The following SGCZ variants were observed in gnomAD, a reference collection of about 807,000 sequenced individuals.
SGCZ encodes the protein sarcoglycan zeta.
In SGCZ, 40 loss-of-function variants were observed where a neutral mutation model predicts 41.3. The observed-to-expected ratio is 0.97, with a 90% CI of 0.75 to 1.26. SGCZ has a LOEUF of 1.26. Among genes scored for constraint, SGCZ ranks in the 50% most tolerant of loss-of-function variants. SGCZ has a pLI of 0.00. For synonymous variants in SGCZ, 206 were observed against 137.5 expected (o/e 1.50, Z -3.49); for missense variants, 552 against 369.8 (o/e 1.49, Z -4.04).
chr8:15,191,985 T>C (rs1286007415), intron 1 of SGCZ, among the ~76,000 whole-genome samples: 1 of 152,082 alleles, frequency 6.6e-6, no homozygotes, highest in Non-Finnish European at 1.5e-5. Context: ...CTGTAAAAAT[T>C]GCATAAAAGT....
chr8:15,059,809 A>G (rs571457968), intron 1 of SGCZ, among the ~76,000 whole-genome samples: 45 of 152,290 alleles, frequency 3.0e-4, no homozygotes, highest in African/African-American at 1.0e-3. Context: ...ATAGCCCAAG[A>G]ACTCCCGGTT....
At chr8:14,201,399 G>C (rs534141962) in intron 4 of SGCZ, among the ~76,000 whole-genome samples, 1 of 152,170 alleles carries the variant, frequency 6.6e-6, no homozygotes, top group East Asian at 1.9e-4. Flanking sequence ...CTTTCAAATG[G>C]ATAGAGAAAC....
At chr8:14,998,673 G>T (rs1802304215) in intron 1 of SGCZ, among the ~76,000 whole-genome samples, 1 of 152,172 alleles carries the variant, frequency 6.6e-6, no homozygotes, top group Non-Finnish European at 1.5e-5. Flanking sequence ...ATGTCTCCTT[G>T]AAGTCAATTA....
At chr8:15,087,730 G>A (rs1378819858) in intron 1 of SGCZ, among the ~76,000 whole-genome samples, 2 of 152,098 alleles carry the variant, frequency 1.3e-5, no homozygotes, top group Non-Finnish European at 2.9e-5. Flanking sequence ...AGCTAACCTA[G>A]TATTAACATA....
chr8:14,220,055 C>T (rs1385505567), intron 4 of SGCZ, among the ~76,000 whole-genome samples: 1 of 152,132 alleles, frequency 6.6e-6, no homozygotes, highest in Non-Finnish European at 1.5e-5. Context: ...TTAACATTGA[C>T]GGTCCAAAAA....
intron 1 of SGCZ, among the ~76,000 whole-genome samples, chr8:14,654,734 G>A (rs1357797310): frequency 6.9e-6 from 1 of 145,922 alleles, no homozygotes; most frequent in Non-Finnish European, 1.5e-5. Flanking sequence ...GCCATGCCCA[G>A]CTAATTTTTT....
intron 1 of SGCZ, among the ~76,000 whole-genome samples, chr8:14,680,904 G>T (rs957518222): frequency 8.4e-6 from 1 of 119,586 alleles, no homozygotes; most frequent in East Asian, 2.5e-4. Flanking sequence ...AAACATTAGT[G>T]AACTTGAAAA....
chr8:15,114,011 G>A (rs537622061), intron 1 of SGCZ, among the ~76,000 whole-genome samples: 1 of 152,286 alleles, frequency 6.6e-6, no homozygotes, highest in African/African-American at 2.4e-5. Flanking sequence ...TTTAAAGGAG[G>A]TATCTTGGTA....
Position 14,776,772 on chromosome 8 carries a change from C to T in SGCZ, c.40-221846G>A, listed in dbSNP as rs140971138. ...CCTCCCAAAGTGCTGGGATTACAGG[C>T]GTGAGCTATGGCGCCCAGCCCAGAC... On this transcript the variant is annotated intron_variant, in intron 1 of 7. Transcript: ENST00000382080. Among the ~76,000 whole-genome samples the T allele has an allele frequency of 2.7e-3, 418 of 152,066 alleles. 3 individuals carry two copies. The highest frequency in any genetic ancestry group is 9.7e-3 in the African/African-American group (403 of 41,512).
At chr8:14,794,937 A>G (rs1357401732) in intron 1 of SGCZ, among the ~76,000 whole-genome samples, 3 of 152,214 alleles carry the variant, frequency 2.0e-5, no homozygotes, top group South Asian at 2.1e-4. Flanking sequence ...ATGTCCAGAT[A>G]AATTATCAGC....
intron 2 of SGCZ, among the ~76,000 whole-genome samples, chr8:14,454,984 G>A (rs1800701375): frequency 6.6e-6 from 1 of 152,102 alleles, no homozygotes; most frequent in Non-Finnish European, 1.5e-5. Context: ...TATTCCTACG[G>A]ATAACTCAAA....
chr8:15,171,392 G>C (rs1235682385), intron 1 of SGCZ, among the ~76,000 whole-genome samples: 1 of 152,108 alleles, frequency 6.6e-6, no homozygotes, highest in African/African-American at 2.4e-5. Context: ...TCCATATAAA[G>C]TGTTTTATTG....
At chr8:14,818,420 A>T (rs940724876) in intron 1 of SGCZ, among the ~76,000 whole-genome samples, 2 of 152,234 alleles carry the variant, frequency 1.3e-5, no homozygotes, top group Non-Finnish European at 2.9e-5. Context: ...GCTAGCCAGA[A>T]CCAAAACCAA....
intron 1 of SGCZ, among the ~76,000 whole-genome samples, chr8:14,755,753 T>G (rs1018961486): frequency 6.6e-6 from 1 of 152,126 alleles, no homozygotes; most frequent in Non-Finnish European, 1.5e-5. Context: ...TGCTCATAAC[T>G]GTGATGAATG....
chr8:15,069,121 T>C (rs1180236638), intron 1 of SGCZ, among the ~76,000 whole-genome samples: 1 of 152,240 alleles, frequency 6.6e-6, no homozygotes, highest in Admixed American at 6.5e-5. Context: ...TTATTCTTTT[T>C]ACCTAAATTC....
At chr8:14,546,973 T>G (rs573239532) in intron 2 of SGCZ, among the ~76,000 whole-genome samples, 1 of 152,010 alleles carries the variant, frequency 6.6e-6, no homozygotes, top group Non-Finnish European at 1.5e-5. Context: ...TGCTTTAAAG[T>G]GTTATTGTGA....
chr8:14,141,758 C>T (rs1371500429), intron 5 of SGCZ, among the ~76,000 whole-genome samples: 1 of 152,146 alleles, frequency 6.6e-6, no homozygotes, highest in South Asian at 2.1e-4. Context: ...GAGAGTGTGG[C>T]AATTCCTCAA....
chr8:14,535,504 C>A (rs1270034588), intron 2 of SGCZ, among the ~76,000 whole-genome samples: 1 of 151,884 alleles, frequency 6.6e-6, no homozygotes, highest in Non-Finnish European at 1.5e-5. Flanking sequence ...TTGCCCCACA[C>A]AAGCTGTAAT....
intron 1 of SGCZ, among the ~76,000 whole-genome samples, chr8:14,946,354 A>G (rs761127421): frequency 7.3e-5 from 11 of 151,696 alleles, no homozygotes; most frequent in Admixed American, 5.3e-4. Flanking sequence ...CTCCTCGCGC[A>G]TCACAGAAGG....
Sources: allele counts gnomAD v4.1 joint callset (sites outside exome capture counted in the v4.1 genomes callset), GRCh38; gene constraint gnomAD v4.1.1; transcripts MANE v1.5; gene names NCBI Gene and HGNC (gene_info 2026-07-23, HGNC 2026-07-21).